Variants in PDE1A observed in about 807,000 individuals in gnomAD.
PDE1A encodes phosphodiesterase 1A, also known as dual specificity calcium/calmodulin-dependent 3',5'-cyclic nucleotide phosphodiesterase 1A.
In PDE1A, 35 loss-of-function variants were observed where a neutral mutation model predicts 61.7. That is an observed-to-expected ratio of 0.57 (90% CI 0.43 to 0.75). The LOEUF is 0.75. PDE1A is among the 30% of genes least tolerant of loss of function. The pLI, the probability that PDE1A is intolerant of heterozygous loss-of-function variation, is 0.00. For synonymous variants in PDE1A, 232 were observed against 213.2 expected (o/e 1.09, Z -0.77); for missense variants, 597 against 630.6 (o/e 0.95, Z 0.57).
chr2:182,145,894 T>G (rs1690469058), downstream of PDE1A, among the ~76,000 whole-genome samples: 1 of 152,196 alleles, frequency 6.6e-6, no homozygotes, highest in Admixed American at 6.5e-5. Context: ...GAAATTATTT[T>G]AAAAGCGAAT....
chr2:182,163,661 A>C (rs1691503541), downstream of PDE1A, among the ~76,000 whole-genome samples: 2 of 152,112 alleles, frequency 1.3e-5, no homozygotes, highest in African/African-American at 4.8e-5. Flanking sequence ...CCCTCCTATA[A>C]CTGAGAAAGA....
downstream of PDE1A, among the ~76,000 whole-genome samples, chr2:182,143,470 T>C (rs2125253961): frequency 6.6e-6 from 1 of 152,178 alleles, no homozygotes; most frequent in East Asian, 1.9e-4. Context: ...TTGTCAAAAA[T>C]AAGGGCTTTC....
intron 1 of PDE1A, among the ~76,000 whole-genome samples, chr2:182,337,049 A>G (rs990375649): frequency 1.3e-5 from 2 of 152,130 alleles, no homozygotes; most frequent in Admixed American, 6.5e-5. Flanking sequence ...ACACATATAA[A>G]ATAGTATTTA....
intron 1 of PDE1A, among the ~76,000 whole-genome samples, chr2:182,364,466 T>TAAA (rs201821721): frequency 0.019 from 669 of 35,820 alleles, 161 homozygotes; most frequent in Middle Eastern, 0.062. Context: ...AACACTTTGG[T>TAAA]AAAAAAAAAA....
chr2:182,392,183 G>A (rs905005606), intron 1 of PDE1A, among the ~76,000 whole-genome samples: 1 of 152,110 alleles, frequency 6.6e-6, no homozygotes, highest in Non-Finnish European at 1.5e-5. Flanking sequence ...AGGTTTAATG[G>A]ACTCACAGTA....
At chr2:182,192,974 G>C (rs1295701918) in intron 10 of PDE1A, among the ~76,000 whole-genome samples, 1 of 151,936 alleles carries the variant, frequency 6.6e-6, no homozygotes, top group Admixed American at 6.6e-5. Flanking sequence ...AATTTCTATA[G>C]TTTTGCTTTG....
At chr2:182,399,378 G>C (rs963603207) in intron 1 of PDE1A, among the ~76,000 whole-genome samples, 15 of 151,776 alleles carry the variant, frequency 9.9e-5, no homozygotes, top group African/African-American at 3.6e-4. Context: ...ACCCCTTTTA[G>C]TTAAATCCTG....
rs375991029 is a variant in PDE1A at position 182,462,176 on chromosome 2, G to A, written c.101+60100C>T. 2.5e-4 allele frequency among the ~76,000 whole-genome samples: 38 copies of A among 151,978 alleles called. No homozygotes were observed. The South Asian group carries it at 5.8e-3, about 23-fold the overall frequency. On this transcript the variant is annotated intron_variant, in intron 2 of 14. Transcript: ENST00000410103. ...GTTGTGGGGTGGGGGGAGCGGGGAG[G>A]GAAAGCATTAGGAGATATACCTAAT...
chr2:182,544,735 T>C, the PDE1A span, among the ~76,000 whole-genome samples: 2 of 152,188 alleles, frequency 1.3e-5, no homozygotes, highest in Admixed American at 1.3e-4. Context: ...TGGCCTTGCT[T>C]TTCTGCCTCG....
exon 12 of PDE1A, chr2:182,186,545 T>C (rs1020799684): frequency 1.2e-6 from 2 of 1,612,484 alleles, no homozygotes; most frequent in Admixed American, 1.7e-5. Flanking sequence ...CTGTTGAGTC[T>C]GTCAGAAGAG....
chr2:182,609,058 T>C, the PDE1A span, among the ~76,000 whole-genome samples: 20 of 152,158 alleles, frequency 1.3e-4, no homozygotes, highest in Non-Finnish European at 2.4e-4. Context: ...TATGTCTAGC[T>C]AAGGGATTGT....
the PDE1A span, among the ~76,000 whole-genome samples, chr2:182,598,271 G>A: frequency 1.6e-4 from 25 of 152,126 alleles, no homozygotes; most frequent in African/African-American, 6.0e-4. Context: ...AATTGTAAAG[G>A]AAAAAGAACA....
chr2:182,241,980 C>T (rs892571708), intron 2 of PDE1A: 169 of 1,472,176 alleles, frequency 1.1e-4, no homozygotes, highest in Non-Finnish European at 1.5e-4. Context: ...AATATCACTA[C>T]TTTAAAGATA....
the PDE1A span, among the ~76,000 whole-genome samples, chr2:182,664,566 G>A: frequency 8.5e-5 from 13 of 152,054 alleles, no homozygotes; most frequent in East Asian, 5.8e-4. Flanking sequence ...TAATGACAAC[G>A]CATTTGGCTT....
chr2:182,438,034 CAT>C (rs1433091078), intron 2 of PDE1A, among the ~76,000 whole-genome samples: 4 of 151,782 alleles, frequency 2.6e-5, no homozygotes, highest in Non-Finnish European at 4.4e-5. Context: ...TAAATAGAAT[CAT>C]AGACTTCTGG....
At chr2:182,191,730 T>C (rs1305599951) in intron 10 of PDE1A, among the ~76,000 whole-genome samples, 1 of 151,272 alleles carries the variant, frequency 6.6e-6, no homozygotes, top group Non-Finnish European at 1.5e-5. Context: ...AAGATGCTGC[T>C]ATCTGGTATT....
chr2:182,246,132 C>G (rs1367755912), intron 2 of PDE1A, among the ~76,000 whole-genome samples: 1 of 152,214 alleles, frequency 6.6e-6, no homozygotes, highest in Non-Finnish European at 1.5e-5. Flanking sequence ...CAAGCTAAGT[C>G]TCCAACCTCA....
the PDE1A span, among the ~76,000 whole-genome samples, chr2:182,597,562 T>C: frequency 2.0e-5 from 3 of 152,052 alleles, no homozygotes; most frequent in Non-Finnish European, 4.4e-5. Flanking sequence ...GTAAAGAAAG[T>C]AAAGAATACA....
At chr2:182,534,950 C>G in the PDE1A span, among the ~76,000 whole-genome samples, 1 of 151,924 alleles carries the variant, frequency 6.6e-6, no homozygotes, top group Non-Finnish European at 1.5e-5. Flanking sequence ...ATGAAATTTA[C>G]CTGTGTTTAA....
Sources: gnomAD v4.1 joint callset for allele counts (sites outside exome capture counted in the v4.1 genomes callset) on GRCh38, gnomAD v4.1.1 for gene constraint, MANE v1.5 for transcripts, NCBI Gene and HGNC (gene_info 2026-07-23, HGNC 2026-07-21) for gene names.